SERP2: variants seen among roughly 807,000 people sequenced by gnomAD.
The protein encoded by SERP2 is stress associated endoplasmic reticulum protein family member 2.
In SERP2, 6 loss-of-function variants were observed where a neutral mutation model predicts 9.1. The ratio of observed to expected loss-of-function variants is 0.66; its 90% CI spans 0.36 to 1.30. The LOEUF (loss-of-function observed/expected upper bound fraction) is 1.30, where lower values mean the gene tolerates loss of function less well. SERP2 is among the 50% of genes most tolerant of loss of function. The pLI, the probability that SERP2 is intolerant of heterozygous loss-of-function variation, is 0.03. For missense variants in SERP2, 58 were observed against 81.9 expected (o/e 0.71, Z 1.13); for synonymous variants, 37 against 27.3 (o/e 1.35, Z -1.10).
intron 2 of SERP2, chr13:44,390,563 C>A (rs374492727): frequency 7.5e-6 from 3 of 399,286 alleles, no homozygotes; most frequent in East Asian, 7.4e-5. Flanking sequence ...TCTCATCAGC[C>A]ATCAGCTCCC....
intron 2 of SERP2, among the ~76,000 whole-genome samples, chr13:44,384,262 G>T (rs2325128): frequency 2.0e-5 from 3 of 152,166 alleles, no homozygotes; most frequent in African/African-American, 7.2e-5. Context: ...AATTAGTCAC[G>T]ATTCATTTCT....
chr13:44,396,888 A>G (rs1873139582), intron 2 of SERP2, among the ~76,000 whole-genome samples: 1 of 152,168 alleles, frequency 6.6e-6, no homozygotes, highest in Non-Finnish European at 1.5e-5. Context: ...AGCCATTTTG[A>G]AAAGGCAGAC....
intron 1 of SERP2, among the ~76,000 whole-genome samples, chr13:44,378,940 T>G (rs921749705): frequency 6.6e-6 from 1 of 152,226 alleles, no homozygotes; most frequent in African/African-American, 2.4e-5. Flanking sequence ...CAAGCTTTAT[T>G]AAGGCTTAGG....
At chr13:44,390,417 C>G (rs917781964) in intron 2 of SERP2, 5 of 455,596 alleles carry the variant, frequency 1.1e-5, no homozygotes, top group Non-Finnish European at 1.8e-5. Flanking sequence ...GTTGTAACAT[C>G]CAGAGGGAGT....
At chr13:44,390,877 C>G (rs1872711808) in intron 2 of SERP2, 1 of 152,488 alleles carries the variant, frequency 6.6e-6, no homozygotes, top group African/African-American at 2.4e-5. Flanking sequence ...AACATTTCAG[C>G]TTGTTTCTCA....
chr13:44,383,732 T>C (rs79168120), intron 2 of SERP2, among the ~76,000 whole-genome samples: 3 of 150,386 alleles, frequency 2.0e-5, no homozygotes, highest in African/African-American at 4.9e-5. Flanking sequence ...TTTTTTTTTT[T>C]AGTAGTGACG....
intron 2 of SERP2, chr13:44,396,016 A>C: frequency 3.5e-6 from 1 of 283,158 alleles, no homozygotes; most frequent in East Asian, 9.0e-5. Flanking sequence ...ACTGGTTTTC[A>C]TTATGGTGAC....
intron 2 of SERP2, 44 bp downstream of exon 2, chr13:44,379,757 C>G (rs1028683801): frequency 1.4e-6 from 2 of 1,381,106 alleles, no homozygotes; most frequent in Non-Finnish European, 2.0e-6. Context: ...TCTCCACTGG[C>G]CTTTGAAAAA....
intron 2 of SERP2, among the ~76,000 whole-genome samples, chr13:44,392,772 T>A (rs1024320148): frequency 2.6e-5 from 4 of 152,084 alleles, no homozygotes; most frequent in African/African-American, 9.7e-5. Context: ...GAAGGTGTGC[T>A]GGAGCTCAGA....
At chr13:44,390,088 T>C (rs1272759247) in intron 2 of SERP2, among the ~76,000 whole-genome samples, 1 of 152,204 alleles carries the variant, frequency 6.6e-6, no homozygotes, top group Non-Finnish European at 1.5e-5. Context: ...TCCCTAGAAG[T>C]TGTATGGAGC....
intron 2 of SERP2, chr13:44,396,199 A>G (rs1297017268): frequency 1.2e-5 from 2 of 167,120 alleles, no homozygotes; most frequent in Non-Finnish European, 1.3e-5. Context: ...CCTGTCCATC[A>G]TTTCTCTTTC....
At chr13:44,380,624 GAGGA>G (rs1871919296) in intron 2 of SERP2, among the ~76,000 whole-genome samples, 1 of 152,166 alleles carries the variant, frequency 6.6e-6, no homozygotes. Flanking sequence ...AAACTCTTAG[GAGGA>G]AGGAAGGATC....
rs1458201876 is a variant in SERP2 at position 44,373,944 on chromosome 13, C to T, written c.-82C>T. On this transcript the variant is annotated 5_prime_UTR_variant, in exon 1 of 3. Transcript: ENST00000379179. The surrounding 1 kb of genome is among the most constrained non-coding windows in gnomAD (Gnocchi z 4.8). Reference sequence around the variant, plus strand: ...GCGCCCGGGTGGGCCGCGGGGGCCTCGGCGGGACGCGCTCGGCCCTGTCGC... The same window carrying T: ...GCGCCCGGGTGGGCCGCGGGGGCCTTGGCGGGACGCGCTCGGCCCTGTCGC... 3.7e-6 allele frequency: 5 copies of T among 1,346,072 alleles called. No individual in the cohort carries two copies. Among genetic ancestry groups the T allele is most frequent in the South Asian group, 2.6e-5 (2 of 77,996 alleles). 83.4% of individuals were successfully genotyped at this position (1,346,072 alleles called of 1,614,324 possible).
intron 1 of SERP2, among the ~76,000 whole-genome samples, chr13:44,378,272 A>C (rs1412439967): frequency 6.6e-6 from 1 of 152,226 alleles, no homozygotes; most frequent in Admixed American, 6.5e-5. Flanking sequence ...AAATCAAAGG[A>C]AGATTATCCT....
chr13:44,378,391 C>T (rs1871782227), intron 1 of SERP2, among the ~76,000 whole-genome samples: 1 of 152,130 alleles, frequency 6.6e-6, no homozygotes. Flanking sequence ...CTATTACATA[C>T]CTTCAGTCTG....
chr13:44,374,413 C>G (rs1566088680), intron 1 of SERP2, among the ~76,000 whole-genome samples: 1 of 152,202 alleles, frequency 6.6e-6, no homozygotes, highest in Non-Finnish European at 1.5e-5. Flanking sequence ...TCCCCCTGCC[C>G]GGGAGACAGC....
chr13:44,376,498 T>C (rs960159371), intron 1 of SERP2, among the ~76,000 whole-genome samples: 2 of 152,144 alleles, frequency 1.3e-5, no homozygotes, highest in African/African-American at 4.8e-5. Flanking sequence ...AGGCCGGGCG[T>C]GGTGGCTCAG....
chr13:44,381,027 C>T (rs2138782005), intron 2 of SERP2, among the ~76,000 whole-genome samples: 1 of 152,256 alleles, frequency 6.6e-6, no homozygotes, highest in Admixed American at 6.5e-5. Context: ...ATCTCTCGAC[C>T]TTGCCTCATA....
intron 1 of SERP2, among the ~76,000 whole-genome samples, chr13:44,374,476 G>A (rs1437201360): frequency 6.6e-6 from 1 of 152,246 alleles, no homozygotes; most frequent in African/African-American, 2.4e-5. Context: ...GGCCAGTTAA[G>A]TCAACTGCAT....
Sources: allele counts gnomAD v4.1 joint callset (sites outside exome capture counted in the v4.1 genomes callset), GRCh38; gene constraint gnomAD v4.1.1; non-coding constraint Gnocchi (gnomAD v3.1); transcripts MANE v1.5; gene names NCBI Gene and HGNC (gene_info 2026-07-23, HGNC 2026-07-21).